The following WHRN variants were observed in gnomAD, a reference collection of about 807,000 sequenced individuals.
WHRN encodes the protein whirlin.
In WHRN, 41 loss-of-function variants were observed where a neutral mutation model predicts 68.3. The ratio of observed to expected loss-of-function variants is 0.60; its 90% CI spans 0.47 to 0.78. WHRN has a LOEUF of 0.78. Among genes scored for constraint, WHRN ranks in the 30% least tolerant of loss-of-function variants. The probability of loss-of-function intolerance (pLI) is 0.00; values close to 1 mark genes in which losing one functional copy is unlikely to be tolerated. For synonymous variants in WHRN, 560 were observed against 561.3 expected (o/e 1.00, Z 0.03); for missense variants, 1,243 against 1,244.7 (o/e 1.00, Z 0.02).
chr9:114,424,182 C>A, intron 6 of WHRN, 152 bp downstream of exon 6: 1 of 882,776 alleles, frequency 1.1e-6, no homozygotes. Context: ...TGTGAGCATC[C>A]TGGGGGCAGG....
chr9:114,404,086 G>T lies in WHRN; in HGVS notation c.2237-9C>A, dbSNP rs1315081122. 4.3e-6 allele frequency: 7 copies of T among 1,611,970 alleles called. No homozygotes were observed. The African/African-American group carries it at 9.3e-5, about 22-fold the overall frequency. ...GGAGAGCGTAGAGGCTGCTGGAGAG[G>T]GGAAAAGGAAGAGAGAAGCAGCTTA... On this transcript the variant is annotated splice_polypyrimidine_tract_variant and intron_variant, in intron 9 of 11. Transcript: ENST00000362057.
chr9:114,414,309 G>A (rs1484183488), intron 7 of WHRN, among the ~76,000 whole-genome samples: 1 of 152,186 alleles, frequency 6.6e-6, no homozygotes, highest in African/African-American at 2.4e-5. Flanking sequence ...TCCTAAAGTA[G>A]CATGTTTTAC....
chr9:114,437,618 A>G (rs1837976845), intron 3 of WHRN, among the ~76,000 whole-genome samples: 1 of 152,214 alleles, frequency 6.6e-6, no homozygotes, highest in South Asian at 2.1e-4. Context: ...GGTGCCCTTT[A>G]TAAGAAGAAC....
intron 1 of WHRN, among the ~76,000 whole-genome samples, chr9:114,481,499 A>C (rs1270079207): frequency 6.6e-6 from 1 of 152,144 alleles, no homozygotes; most frequent in African/African-American, 2.4e-5. Context: ...CCCAGAGCAA[A>C]GTGGAAAGTG....
At chr9:114,426,503 G>A (rs1836874576) in intron 3 of WHRN, 90 bp from the exon 4 acceptor site, 5 of 1,484,134 alleles carry the variant, frequency 3.4e-6, no homozygotes, top group Non-Finnish European at 4.7e-6. Context: ...TTCTCCTCTG[G>A]GCCAGCCTGT....
chr9:114,482,347 A>G (rs1270605031), intron 1 of WHRN, among the ~76,000 whole-genome samples: 1 of 152,258 alleles, frequency 6.6e-6, no homozygotes, highest in Non-Finnish European at 1.5e-5. Context: ...TGCTCAGGTC[A>G]GGAACAGAGG....
chr9:114,504,057 T>TAAAA, intron 1 of WHRN, 127 bp downstream of exon 1: 1 of 1,048,742 alleles, frequency 9.5e-7, no homozygotes, highest in South Asian at 1.5e-5. Flanking sequence ...TTTAAAGTAT[T>TAAAA]AAAAAAAAAA....
chr9:114,460,969 A>G (rs1384926823), intron 3 of WHRN, among the ~76,000 whole-genome samples: 1 of 152,236 alleles, frequency 6.6e-6, no homozygotes, highest in African/African-American at 2.4e-5. Flanking sequence ...AAGTGAGTGT[A>G]GGCAGGTGTT....
intron 7 of WHRN, among the ~76,000 whole-genome samples, chr9:114,420,678 C>A (rs1836206602): frequency 6.6e-6 from 1 of 152,114 alleles, no homozygotes. Flanking sequence ...ACTTTCCAGA[C>A]CCTCCACGAG....
intron 2 of WHRN, among the ~76,000 whole-genome samples, chr9:114,469,272 C>T (rs949892098): frequency 6.6e-6 from 1 of 152,176 alleles, no homozygotes; most frequent in Non-Finnish European, 1.5e-5. Context: ...GCTGGGACCA[C>T]CATGTGGACG....
intron 3 of WHRN, among the ~76,000 whole-genome samples, chr9:114,447,947 C>T (rs1449313706): frequency 6.6e-6 from 1 of 152,142 alleles, no homozygotes; most frequent in Non-Finnish European, 1.5e-5. Flanking sequence ...GGCTCCATCC[C>T]AAATCTACTG....
At chr9:114,483,984 C>T (rs1842291833) in intron 1 of WHRN, among the ~76,000 whole-genome samples, 2 of 152,158 alleles carry the variant, frequency 1.3e-5, no homozygotes, top group African/African-American at 4.8e-5. Flanking sequence ...GGAAAACTGT[C>T]CTCAGTTTCT....
intron 3 of WHRN, among the ~76,000 whole-genome samples, chr9:114,460,897 A>T (rs1280906850): frequency 6.6e-6 from 1 of 152,254 alleles, no homozygotes. Flanking sequence ...TTCCATTTCA[A>T]TATGCCTAAT....
rs529472505 is a variant in WHRN at position 114,473,147 on chromosome 9, G to A, written c.837+5406C>T. On this transcript the variant is annotated intron_variant, in intron 2 of 11. Coordinates refer to ENST00000362057, the MANE Select transcript of WHRN (RefSeq NM_015404.4). ...GTCTAACTGCTCACTGCAGAGTAAG[G>A]GGCCGTGGGACAGGGACACTGTAGT... Among the ~76,000 whole-genome samples, 16 of 152,342 alleles carry A rather than the reference G, an allele frequency of 1.1e-4. No individual in the cohort carries two copies. In the East Asian group the frequency reaches 2.9e-3, roughly 28 times the overall value.
intron 11 of WHRN, 50 bp downstream of exon 11, chr9:114,403,167 G>A (rs1035710282): frequency 5.6e-6 from 9 of 1,611,812 alleles, no homozygotes; most frequent in Non-Finnish European, 6.8e-6. Context: ...GCTGAGAAAG[G>A]GCCTTTCAGG....
At chr9:114,464,937 T>C (rs1019962484) in intron 3 of WHRN, among the ~76,000 whole-genome samples, 2 of 151,948 alleles carry the variant, frequency 1.3e-5, no homozygotes, top group African/African-American at 4.8e-5. Context: ...ACAACAGAAA[T>C]TTATGTCTCA....
chr9:114,420,630 TGAA>T (rs1465884176), intron 7 of WHRN, among the ~76,000 whole-genome samples: 1 of 152,088 alleles, frequency 6.6e-6, no homozygotes, highest in Non-Finnish European at 1.5e-5. Flanking sequence ...CTGGGTGGGA[TGAA>T]GGTCAGGGGG....
rs749957535 is a variant in WHRN at position 114,406,894 on chromosome 9, T to A, written c.1699-2A>T. 1 of 1,569,184 alleles carries A rather than the reference T, an allele frequency of 6.4e-7. No individual in the cohort carries two copies. Among genetic ancestry groups the A allele is most frequent in the East Asian group, 2.4e-5 (1 of 42,096 alleles). On this transcript the variant is annotated splice_acceptor_variant, in intron 8 of 11. Transcript: ENST00000362057. LOFTEE classifies it high-confidence loss of function. ...CTGGGAGGTGGATCTGACATCATCCTGCCAAAAGACCCAACAGGCGGAGAA... is the reference window on the plus strand; with the variant it reads ...CTGGGAGGTGGATCTGACATCATCCAGCCAAAAGACCCAACAGGCGGAGAA...
chr9:114,438,672 C>T (rs1169453258), intron 3 of WHRN, among the ~76,000 whole-genome samples: 2 of 151,964 alleles, frequency 1.3e-5, no homozygotes, highest in Admixed American at 1.3e-4. Context: ...AGGATGGTCG[C>T]TATCTCCTGA....
Sources: allele counts gnomAD v4.1 joint callset (sites outside exome capture counted in the v4.1 genomes callset), GRCh38; gene constraint gnomAD v4.1.1; transcripts MANE v1.5; gene names NCBI Gene and HGNC (gene_info 2026-07-23, HGNC 2026-07-21).